The following STIM1 variants were observed in gnomAD, a reference collection of about 807,000 sequenced individuals.
STIM1 encodes the protein stromal interaction molecule 1.
A neutral mutation model predicts 74.7 loss-of-function variants in STIM1; 25 were observed. That is an observed-to-expected ratio of 0.33 (90% confidence interval 0.24 to 0.47). The LOEUF is 0.47. STIM1 is among the 20% of genes least tolerant of loss of function. STIM1 has a pLI of 1.00. For synonymous variants in STIM1, 328 were observed against 348.8 expected, an observed-to-expected ratio of 0.94 and a Z score of 0.66; for missense variants, 728 against 920.8, an observed-to-expected ratio of 0.79 and a Z score of 2.71.
At chr11:3,938,560 G>T (rs1237907603) in intron 1 of STIM1, among the ~76,000 whole-genome samples, 1 of 152,116 alleles carries the variant, frequency 6.6e-6, no homozygotes. Context: ...TAAAATGACA[G>T]TTTAAGGCTG....
chr11:4,051,786 C>G (rs985067227), intron 3 of STIM1, among the ~76,000 whole-genome samples: 1 of 151,792 alleles, frequency 6.6e-6, no homozygotes, highest in South Asian at 2.1e-4. Flanking sequence ...AGCTGGGACT[C>G]TAGGTGTGCA....
chr11:3,900,433 C>T (rs4497404), intron 1 of STIM1, among the ~76,000 whole-genome samples: 49,627 of 152,010 alleles, frequency 0.33, 8,389 homozygotes, highest in South Asian at 0.48. Flanking sequence ...CACGGTGCGC[C>T]GCACCCACTG....
At chr11:3,993,064 T>G (rs1371616634) in intron 2 of STIM1, among the ~76,000 whole-genome samples, 33 of 133,982 alleles carry the variant, frequency 2.5e-4, no homozygotes, top group African/African-American at 7.2e-4. Context: ...AGAGCTTTTT[T>G]GAAAAAAAAA....
At chr11:3,973,691 C>A (rs1183925974) in intron 2 of STIM1, among the ~76,000 whole-genome samples, 1 of 152,038 alleles carries the variant, frequency 6.6e-6, no homozygotes, top group African/African-American at 2.4e-5. Context: ...GCCACTGCAC[C>A]CAGCCAGTAT....
chr11:3,994,577 G>T (rs1488647215), intron 2 of STIM1, among the ~76,000 whole-genome samples: 2 of 150,364 alleles, frequency 1.3e-5, no homozygotes, highest in Admixed American at 1.3e-4. Flanking sequence ...TCATGTCTCA[G>T]CCTCCCCAAG....
chr11:4,019,079 T>C, intron 2 of STIM1: 1 of 183,884 alleles, frequency 5.4e-6, no homozygotes, highest in Non-Finnish European at 1.2e-5. Context: ...AGTGTTGCCA[T>C]CAGTACGTGA....
chr11:3,864,732 G>GT (rs1410507417), intron 1 of STIM1, among the ~76,000 whole-genome samples: 14 of 152,334 alleles, frequency 9.2e-5, no homozygotes, highest in Admixed American at 3.9e-4. Flanking sequence ...AGGACCGCTA[G>GT]GGATCATCTT....
chr11:3,883,134 A>ATATACCTAG (rs1295696693), intron 1 of STIM1, among the ~76,000 whole-genome samples: 2 of 151,914 alleles, frequency 1.3e-5, no homozygotes, highest in African/African-American at 4.8e-5. Context: ...TAGCCTTTAA[A>ATATACCTAG]TATACCTAGC....
At chr11:4,053,306 A>C (rs1192255981) in intron 3 of STIM1, among the ~76,000 whole-genome samples, 5 of 152,178 alleles carry the variant, frequency 3.3e-5, no homozygotes, top group Non-Finnish European at 5.9e-5. Context: ...GCACTATTCA[A>C]AATAGCAAAG....
intron 3 of STIM1, among the ~76,000 whole-genome samples, chr11:4,052,899 C>A (rs1238744568): frequency 1.3e-5 from 2 of 151,874 alleles, no homozygotes; most frequent in African/African-American, 2.4e-5. Flanking sequence ...CAAGAAAAAA[C>A]CCCATCAAAA....
chr11:3,978,098 G>C (rs887445578), intron 2 of STIM1, among the ~76,000 whole-genome samples: 14 of 151,846 alleles, frequency 9.2e-5, no homozygotes, highest in African/African-American at 2.7e-4. Context: ...CATTTATAGG[G>C]ACTACAACTT....
intron 1 of STIM1, among the ~76,000 whole-genome samples, chr11:3,862,175 A>T (rs915904541): frequency 6.6e-6 from 1 of 152,208 alleles, no homozygotes; most frequent in African/African-American, 2.4e-5. Flanking sequence ...ATACCCTGAA[A>T]TGACTTTGAA....
intron 1 of STIM1, among the ~76,000 whole-genome samples, chr11:3,909,911 G>A (rs1051556024): frequency 1.3e-5 from 2 of 152,106 alleles, no homozygotes; most frequent in African/African-American, 2.4e-5. Flanking sequence ...AAATGAGACT[G>A]GAATCAGAGC....
intron 1 of STIM1, among the ~76,000 whole-genome samples, chr11:3,864,504 C>G (rs552145884): frequency 2.6e-5 from 4 of 152,102 alleles, no homozygotes; most frequent in Non-Finnish European, 5.9e-5. Flanking sequence ...CCATATGGGC[C>G]TCTACACTGG....
chr11:4,005,223 C>G (rs2093765474), intron 2 of STIM1, among the ~76,000 whole-genome samples: 2 of 152,218 alleles, frequency 1.3e-5, no homozygotes, highest in East Asian at 3.9e-4. Context: ...CCCAGCCATC[C>G]CATTACTAGG....
At position 4,055,585 on chromosome 11, in the gene STIM1, C is replaced by T; in HGVS notation, c.445C>T (p.Gln149Ter). Residue 149 changes from glutamine to a stop codon, truncating the protein, a stop_gained, in exon 4 of 13, where the codon CAG becomes TAG. Coordinates refer to ENST00000526596, the MANE Select transcript of STIM1 (RefSeq NM_001382567.1). LOFTEE classifies it high-confidence loss of function. The part of the protein sequence containing the change: ...QWLITYVELP[Q>*]YEETFRKLQL... ...GCTGATCACATATGTGGAGCTGCCT[C>T]AGTATGAGGAGACCTTCCGGAAGCT... The T allele has an allele frequency of 6.2e-7, 1 of 1,600,608 alleles. No individual in the cohort carries two copies.
chr11:4,075,059 T>G (rs1355795232), intron 7 of STIM1, among the ~76,000 whole-genome samples: 2 of 152,114 alleles, frequency 1.3e-5, no homozygotes, highest in Non-Finnish European at 2.9e-5. Context: ...GAGAATTGCC[T>G]GAACCCCGGA....
intron 1 of STIM1, among the ~76,000 whole-genome samples, chr11:3,878,903 T>C (rs10835232): frequency 0.36 from 54,746 of 152,006 alleles, 10,670 homozygotes; most frequent in South Asian, 0.48. Context: ...TGTGGCCTCC[T>C]TGACATCCCA....
chr11:4,026,459 A>G (rs760273680), intron 3 of STIM1, among the ~76,000 whole-genome samples: 6 of 152,214 alleles, frequency 3.9e-5, no homozygotes, highest in Non-Finnish European at 7.3e-5. Context: ...CAGAAACCAT[A>G]TGAAGTATAG....
Sources: gnomAD v4.1 joint callset for allele counts (sites outside exome capture counted in the v4.1 genomes callset) on GRCh38, gnomAD v4.1.1 for gene constraint, MANE v1.5 for transcripts, NCBI Gene and HGNC (gene_info 2026-07-23, HGNC 2026-07-21) for gene names.